The following DIP2C variants were observed in gnomAD, a reference collection of about 807,000 sequenced individuals.
The protein encoded by DIP2C is DIP2 acetate--CoA ligase C (putative).
DIP2C carries 33 observed loss-of-function variants against 192.4 expected under a neutral mutation model. That is an observed-to-expected ratio of 0.17 (90% CI 0.13 to 0.23). The LOEUF (loss-of-function observed/expected upper bound fraction) is 0.23. Ranked by LOEUF, DIP2C falls within the 10% of genes least tolerant of loss-of-function variation. The pLI is 1.00. For missense variants in DIP2C, 1,537 were observed against 2,110.1 expected (o/e 0.73, Z 5.32); for synonymous variants, 979 against 864.1 (o/e 1.13, Z -2.33).
chr10:553,476 T>C (rs991101357), intron 1 of DIP2C, among the ~76,000 whole-genome samples: 2 of 152,228 alleles, frequency 1.3e-5, no homozygotes, highest in Admixed American at 6.5e-5. Flanking sequence ...GCCCAGTTTA[T>C]CCAAAGGACC....
chr10:482,394 GAA>G (rs563842893), intron 2 of DIP2C, among the ~76,000 whole-genome samples: 123 of 152,122 alleles, frequency 8.1e-4, no homozygotes, highest in African/African-American at 2.8e-3. Context: ...CCCCATGATG[GAA>G]AAAGTGTGGG....
At chr10:541,110 A>T (rs1315719545) in intron 1 of DIP2C, among the ~76,000 whole-genome samples, 1 of 147,268 alleles carries the variant, frequency 6.8e-6, no homozygotes, top group Non-Finnish European at 1.5e-5. Context: ...GAGCCACAAC[A>T]CCCGATGCTG....
At chr10:389,442 G>A (rs1053651951) in intron 13 of DIP2C, among the ~76,000 whole-genome samples, 9 of 152,170 alleles carry the variant, frequency 5.9e-5, no homozygotes, top group African/African-American at 2.2e-4. Flanking sequence ...CCCGGGGGAA[G>A]GAAAACACAT....
intron 36 of DIP2C, among the ~76,000 whole-genome samples, chr10:280,997 G>A (rs1399457893): frequency 6.6e-6 from 1 of 152,146 alleles, no homozygotes; most frequent in East Asian, 1.9e-4. Flanking sequence ...TCGTTTTCAG[G>A]TAATATATGG....
Position 366,363 on chromosome 10 carries a change from G to A in DIP2C, c.2180C>T (p.Thr727Met), listed in dbSNP as rs199504903. The change falls in exon 19 of 37, where the codon ACG becomes ATG. Residue 727 changes from threonine (T) to methionine (M), a missense_variant. Thr to Met is a moderately conservative substitution (Grantham distance 81, BLOSUM62 -1). Around this residue, in one of 4 missense-constraint regions of DIP2C, gnomAD observed 677 missense variants for 989.9 expected, o/e 0.68. Transcript: ENST00000280886. ...KPDGVPQLCR[T>M]DEIGELCVCA... is the part of the protein sequence containing the mutation. ...CACACACAGCTCCCCGATCTCATCC[G>A]TTCTGCACAGCTGAGGAACCCCGTC... is the stretch of plus-strand genomic sequence containing the variant. 1.2e-5 allele frequency: 19 copies of A among 1,614,170 alleles called. No homozygotes were observed. The highest frequency in any genetic ancestry group is 7.7e-5 in the South Asian group (7 of 91,068).
At chr10:618,809 A>G (rs1192793078) in intron 1 of DIP2C, among the ~76,000 whole-genome samples, 1 of 152,242 alleles carries the variant, frequency 6.6e-6, no homozygotes, top group Non-Finnish European at 1.5e-5. Context: ...CGCACTGCTC[A>G]GCCACACGGC....
chr10:301,186 C>T (rs1956028099), intron 32 of DIP2C, among the ~76,000 whole-genome samples: 1 of 152,272 alleles, frequency 6.6e-6, no homozygotes, highest in Non-Finnish European at 1.5e-5. Context: ...GAGATGAACC[C>T]AGACCCTCTG....
At chr10:450,513 A>G (rs892791073) in intron 3 of DIP2C, among the ~76,000 whole-genome samples, 1 of 152,246 alleles carries the variant, frequency 6.6e-6, no homozygotes, top group African/African-American at 2.4e-5. Flanking sequence ...CACAATGTTG[A>G]CATTGAAAAT....
chr10:583,971 G>T (rs1045874725), intron 1 of DIP2C, among the ~76,000 whole-genome samples: 22 of 152,140 alleles, frequency 1.4e-4, no homozygotes, highest in African/African-American at 5.1e-4. Flanking sequence ...AAAGAGAGAG[G>T]CGCGGGGGCC....
At chr10:610,491 C>T (rs1853016374) in intron 1 of DIP2C, among the ~76,000 whole-genome samples, 1 of 152,246 alleles carries the variant, frequency 6.6e-6, no homozygotes, top group Admixed American at 6.5e-5. Context: ...AAGTGAAAGA[C>T]ATCCCAATTA....
intron 1 of DIP2C, among the ~76,000 whole-genome samples, chr10:506,562 A>G (rs1028708964): frequency 6.6e-6 from 1 of 152,196 alleles, no homozygotes; most frequent in African/African-American, 2.4e-5. Context: ...TGATACGCCA[A>G]CGTACCAGAA....
intron 3 of DIP2C, among the ~76,000 whole-genome samples, chr10:455,163 G>T (rs1016354181): frequency 6.6e-6 from 1 of 152,210 alleles, no homozygotes; most frequent in African/African-American, 2.4e-5. Context: ...GGCCGCACCG[G>T]TTCAAACCCC....
intron 1 of DIP2C, among the ~76,000 whole-genome samples, chr10:649,415 T>C (rs1855717951): frequency 5.3e-5 from 8 of 152,226 alleles, no homozygotes. Context: ...AGGTCCACAT[T>C]TGATGGTGGC....
chr10:540,733 A>G (rs1420909747), intron 1 of DIP2C, among the ~76,000 whole-genome samples: 1 of 152,254 alleles, frequency 6.6e-6, no homozygotes, highest in Admixed American at 6.5e-5. Flanking sequence ...ACTAACTGAG[A>G]AAAGTAATCT....
At chr10:442,011 C>A (rs1967779069) in intron 3 of DIP2C, among the ~76,000 whole-genome samples, 1 of 150,348 alleles carries the variant, frequency 6.7e-6, no homozygotes, top group Non-Finnish European at 1.5e-5. Flanking sequence ...CAGGGAAGAA[C>A]CCTCTCAACA....
intron 1 of DIP2C, among the ~76,000 whole-genome samples, chr10:491,278 C>T (rs747960659): frequency 1.6e-4 from 24 of 152,196 alleles, no homozygotes; most frequent in Non-Finnish European, 2.9e-4. Context: ...TCGGCAGTGG[C>T]GGTTTCCATG....
intron 3 of DIP2C, among the ~76,000 whole-genome samples, chr10:444,472 G>A (rs1437185460): frequency 6.6e-6 from 1 of 151,224 alleles, no homozygotes; most frequent in Non-Finnish European, 1.5e-5. Context: ...CCCACGCCAT[G>A]GTGTTCACTC....
intron 4 of DIP2C, among the ~76,000 whole-genome samples, chr10:424,741 A>G (rs1281800459): frequency 6.6e-6 from 1 of 152,204 alleles, no homozygotes; most frequent in Non-Finnish European, 1.5e-5. Flanking sequence ...TGAGAAAGGT[A>G]CACACCCAGG....
chr10:596,528 T>TAAAAAAAA (rs1851716081), intron 1 of DIP2C, among the ~76,000 whole-genome samples: 4 of 94,776 alleles, frequency 4.2e-5, no homozygotes, highest in East Asian at 3.9e-4. Context: ...AAAAAAAAAG[T>TAAAAAAAA]ATTAAGTTTT....
Sources: gnomAD v4.1 joint callset for allele counts (sites outside exome capture counted in the v4.1 genomes callset) on GRCh38, gnomAD v4.1.1 for gene constraint, gnomAD v4.1.1 regional missense constraint, MANE v1.5 for transcripts, NCBI Gene and HGNC (gene_info 2026-07-23, HGNC 2026-07-21) for gene names.